The following FRMD4B variants were observed in gnomAD, a reference collection of about 807,000 sequenced individuals.
FRMD4B encodes the protein FERM domain-containing protein 4B.
In FRMD4B, 74 loss-of-function variants were observed where a neutral mutation model predicts 141.5. The ratio of observed to expected loss-of-function variants is 0.52; its 90% CI spans 0.43 to 0.63. The LOEUF is 0.63. Ranked by LOEUF, FRMD4B falls within the 30% of genes least tolerant of loss-of-function variation. FRMD4B has a pLI of 0.00. For missense variants in FRMD4B, 1,366 were observed against 1,253.4 expected (o/e 1.09, Z -1.36); for synonymous variants, 506 against 467.9 (o/e 1.08, Z -1.05).
intron 1 of FRMD4B, among the ~76,000 whole-genome samples, chr3:69,480,579 G>C (rs1340088950): frequency 6.6e-6 from 1 of 152,140 alleles, no homozygotes. Context: ...TTTTGTCTCA[G>C]AGGAATACCC....
At chr3:69,298,105 G>A (rs541845544) in intron 4 of FRMD4B, among the ~76,000 whole-genome samples, 12 of 152,284 alleles carry the variant, frequency 7.9e-5, no homozygotes, top group Middle Eastern at 3.4e-3. Context: ...TTTAGCTCAG[G>A]AGTAAATGAG....
intron 1 of FRMD4B, among the ~76,000 whole-genome samples, chr3:69,492,562 A>T (rs1706316184): frequency 6.6e-6 from 1 of 152,174 alleles, no homozygotes; most frequent in African/African-American, 2.4e-5. Flanking sequence ...ACATTCTTGG[A>T]GGAATTGAGG....
intron 2 of FRMD4B, among the ~76,000 whole-genome samples, chr3:69,401,960 T>C (rs1704570792): frequency 1.3e-5 from 2 of 152,164 alleles, no homozygotes; most frequent in Admixed American, 1.3e-4. Context: ...AAATAAAATG[T>C]TTTTCATAAT....
chr3:69,341,720 A>C (rs12635365), intron 1 of FRMD4B, among the ~76,000 whole-genome samples: 20,127 of 152,260 alleles, frequency 0.13, 1,454 homozygotes, highest in South Asian at 0.18. Flanking sequence ...TAAACCTTGA[A>C]GCCTGCTCTG....
At chr3:69,496,076 A>G (rs1227094682) in intron 1 of FRMD4B, among the ~76,000 whole-genome samples, 1 of 152,204 alleles carries the variant, frequency 6.6e-6, no homozygotes, top group African/African-American at 2.4e-5. Context: ...TACTCAGTAA[A>G]CATTAAGTTA....
chr3:69,182,511 G>A (rs944859242), intron 20 of FRMD4B, 87 bp downstream of exon 20: 1 of 1,296,320 alleles, frequency 7.7e-7, no homozygotes, highest in African/African-American at 1.5e-5. Flanking sequence ...AAAGTCACTT[G>A]AAATGATTAA....
At chr3:69,275,087 T>C (rs2093611770) in intron 5 of FRMD4B, among the ~76,000 whole-genome samples, 1 of 152,180 alleles carries the variant, frequency 6.6e-6, no homozygotes, top group African/African-American at 2.4e-5. Flanking sequence ...TATAAAATGC[T>C]AAAAGTGTAA....
At chr3:69,357,244 G>C (rs931232395) in intron 1 of FRMD4B, among the ~76,000 whole-genome samples, 2 of 152,190 alleles carry the variant, frequency 1.3e-5, no homozygotes, top group Non-Finnish European at 2.9e-5. Context: ...GGCATTCAAA[G>C]GCCAGAATGG....
intron 5 of FRMD4B, among the ~76,000 whole-genome samples, chr3:69,259,175 G>A (rs1416333937): frequency 5.3e-5 from 8 of 152,144 alleles, no homozygotes; most frequent in African/African-American, 1.2e-4. Flanking sequence ...TCTGGCACTA[G>A]ATTCTCAAAA....
chr3:69,475,350 TC>T (rs1206384604), intron 1 of FRMD4B, among the ~76,000 whole-genome samples: 1 of 147,152 alleles, frequency 6.8e-6, no homozygotes, highest in Non-Finnish European at 1.5e-5. Flanking sequence ...ATGCTATCCC[TC>T]CCCCTTCCCC....
intron 1 of FRMD4B, among the ~76,000 whole-genome samples, chr3:69,539,702 A>G (rs1181567702): frequency 6.6e-6 from 1 of 152,208 alleles, no homozygotes; most frequent in Non-Finnish European, 1.5e-5. Context: ...AAGCAAATAA[A>G]ATGGTTGATT....
At chr3:69,325,055 G>C (rs1210188600) in intron 1 of FRMD4B, among the ~76,000 whole-genome samples, 3 of 115,054 alleles carry the variant, frequency 2.6e-5, no homozygotes, top group African/African-American at 1.1e-4. Flanking sequence ...CTCCAGCCTG[G>C]GCAACAGTGA....
chr3:69,443,179 G>A (rs1705365539), intron 1 of FRMD4B, among the ~76,000 whole-genome samples: 1 of 152,116 alleles, frequency 6.6e-6, no homozygotes, highest in South Asian at 2.1e-4. Context: ...AGAGGGGCTG[G>A]AGGTTGAGTT....
At chr3:69,383,382 A>C (rs1318210868) in intron 1 of FRMD4B, among the ~76,000 whole-genome samples, 1 of 152,204 alleles carries the variant, frequency 6.6e-6, no homozygotes, top group African/African-American at 2.4e-5. Flanking sequence ...ATTTTTGCAA[A>C]AGCACAGGAA....
chr3:69,317,184 A>G (rs1701829501), intron 1 of FRMD4B, among the ~76,000 whole-genome samples: 1 of 152,202 alleles, frequency 6.6e-6, no homozygotes, highest in Non-Finnish European at 1.5e-5. Flanking sequence ...AGACTATTCA[A>G]CTGTAGATAT....
intron 2 of FRMD4B, among the ~76,000 whole-genome samples, chr3:69,391,247 TA>T (rs1422898451): frequency 4.9e-5 from 7 of 144,258 alleles, no homozygotes; most frequent in African/African-American, 1.0e-4. Flanking sequence ...TATTTATTTT[TA>T]TTTTTTTTTA....
intron 1 of FRMD4B, among the ~76,000 whole-genome samples, chr3:69,434,787 G>C (rs570501012): frequency 1.3e-5 from 2 of 152,290 alleles, no homozygotes; most frequent in South Asian, 4.1e-4. Flanking sequence ...TGGGGTAGAT[G>C]AGTTACAATC....
chr3:69,490,303 T>G (rs746808279), intron 1 of FRMD4B, among the ~76,000 whole-genome samples: 5 of 152,254 alleles, frequency 3.3e-5, no homozygotes, highest in Non-Finnish European at 5.9e-5. Flanking sequence ...TTTTCAGCAC[T>G]AGCCAGAAAG....
At chr3:69,337,033 C>T (rs11128124) in intron 1 of FRMD4B, among the ~76,000 whole-genome samples, 151,440 of 152,324 alleles carry the variant, frequency 0.99, 75,286 homozygotes, top group South Asian at 1. Flanking sequence ...AAATGTGGCA[C>T]CACGCTACCT....
Sources: allele counts gnomAD v4.1 joint callset (sites outside exome capture counted in the v4.1 genomes callset), GRCh38; gene constraint gnomAD v4.1.1; transcripts MANE v1.5; gene names NCBI Gene and HGNC (gene_info 2026-07-23, HGNC 2026-07-21).